Variants in GRM7 observed in about 807,000 individuals in gnomAD.
GRM7 encodes the protein metabotropic glutamate receptor 7.
A neutral mutation model predicts 84.5 loss-of-function variants in GRM7; 35 were observed. That is an observed-to-expected ratio of 0.41 (90% CI 0.32 to 0.55). GRM7 has a LOEUF of 0.55. Among genes scored for constraint, GRM7 ranks in the 20% least tolerant of loss-of-function variants. The probability of loss-of-function intolerance (pLI) is 0.19; values close to 1 mark genes in which losing one functional copy is unlikely to be tolerated. For synonymous variants in GRM7, 487 were observed against 455.1 expected (o/e 1.07, Z -0.89); for missense variants, 1,003 against 1,194.6 (o/e 0.84, Z 2.36).
intron 1 of GRM7, among the ~76,000 whole-genome samples, chr3:7,105,507 G>T (rs1369682447): frequency 6.6e-6 from 1 of 151,872 alleles, no homozygotes; most frequent in East Asian, 1.9e-4. Context: ...AGACTAAGTT[G>T]ATCAGACATC....
intron 1 of GRM7, among the ~76,000 whole-genome samples, chr3:6,869,501 A>G (rs557761151): frequency 6.6e-6 from 1 of 152,148 alleles, no homozygotes; most frequent in Non-Finnish European, 1.5e-5. Context: ...CATAGTAGTT[A>G]TGCTGGATTA....
At chr3:7,097,512 A>C (rs1271221925) in intron 1 of GRM7, among the ~76,000 whole-genome samples, 1 of 152,152 alleles carries the variant, frequency 6.6e-6, no homozygotes, top group African/African-American at 2.4e-5. Context: ...CTACTCTATG[A>C]AAACTTGAAG....
intron 1 of GRM7, among the ~76,000 whole-genome samples, chr3:6,959,245 T>A (rs1023451124): frequency 1.3e-5 from 2 of 152,218 alleles, no homozygotes; most frequent in African/African-American, 4.8e-5. Context: ...GCTTTGGTTG[T>A]ATGGCTCATG....
intron 4 of GRM7, among the ~76,000 whole-genome samples, chr3:7,336,286 C>G (rs1701417916): frequency 6.6e-6 from 1 of 151,790 alleles, no homozygotes; most frequent in Non-Finnish European, 1.5e-5. Flanking sequence ...GAATTAAAAA[C>G]AAAATTCATA....
intron 4 of GRM7, among the ~76,000 whole-genome samples, chr3:7,334,624 G>A (rs777948554): frequency 2.0e-5 from 3 of 151,986 alleles, no homozygotes; most frequent in Non-Finnish European, 4.4e-5. Context: ...ATACAGAATG[G>A]CAGAACAGAT....
At position 7,553,735 on chromosome 3, in the gene GRM7, A is replaced by T. The variant is rs112864623; in HGVS notation, c.1516-24687A>T. ...ACTCTCCTGAGAACAGCATGGGGGAAATCACCCTCTGATTCATTTACCTCC... is the reference window on the plus strand; with the variant it reads ...ACTCTCCTGAGAACAGCATGGGGGATATCACCCTCTGATTCATTTACCTCC... On this transcript the variant is annotated intron_variant, in intron 7 of 9. Coordinates refer to ENST00000357716, the MANE Select transcript of GRM7 (RefSeq NM_000844.4). 6.1e-3 allele frequency among the ~76,000 whole-genome samples: 928 copies of T among 152,222 alleles called. 9 individuals carry two copies. The highest frequency in any genetic ancestry group is 0.021 in the African/African-American group (857 of 41,524).
chr3:6,927,463 G>GAGAAAGAA (rs796767040), intron 1 of GRM7, among the ~76,000 whole-genome samples: 3,686 of 92,970 alleles, frequency 0.04, 83 homozygotes, highest in Middle Eastern at 0.06. Context: ...GAAAGAGAGA[G>GAGAAAGAA]AGAAAGAAAG....
At chr3:6,994,729 C>A (rs1327575334) in intron 1 of GRM7, among the ~76,000 whole-genome samples, 1 of 152,120 alleles carries the variant, frequency 6.6e-6, no homozygotes, top group Non-Finnish European at 1.5e-5. Flanking sequence ...GTGATAGAAA[C>A]AAAATCTTTT....
intron 2 of GRM7, among the ~76,000 whole-genome samples, chr3:7,154,755 G>C (rs1694395857): frequency 6.6e-6 from 1 of 152,064 alleles, no homozygotes; most frequent in African/African-American, 2.4e-5. Context: ...TTTACATTGG[G>C]AAGTAGCCAC....
intron 4 of GRM7, among the ~76,000 whole-genome samples, chr3:7,398,602 G>A (rs1205106678): frequency 6.6e-6 from 1 of 151,988 alleles, no homozygotes; most frequent in Non-Finnish European, 1.5e-5. Flanking sequence ...ATCTTGGGAG[G>A]ACTGTGGGTG....
In GRM7 at chr3:7,390,370, T is replaced by C. The variant is rs577224767; in HGVS notation, c.1034-24653T>C. Among the ~76,000 whole-genome samples the C allele has an allele frequency of 1.9e-4, 29 of 152,260 alleles. 1 individual carries two copies. In the South Asian group the frequency reaches 6.0e-3, roughly 32 times the overall value. On this transcript the variant is annotated intron_variant, in intron 4 of 9. Transcript: ENST00000357716. ...GTATCTCACAGGGGTTCTCTGGATA[T>C]TTTATATCTGCATGTTGACTTCTAT...
chr3:7,707,903 A>G (rs1701439968), intron 9 of GRM7, among the ~76,000 whole-genome samples: 1 of 151,590 alleles, frequency 6.6e-6, no homozygotes, highest in Non-Finnish European at 1.5e-5. Context: ...TGGTACCACA[A>G]TAGAACATAT....
At chr3:7,058,820 A>G (rs1417743786) in intron 1 of GRM7, among the ~76,000 whole-genome samples, 2 of 151,836 alleles carry the variant, frequency 1.3e-5, no homozygotes. Context: ...CTGATTGGCT[A>G]GCAACTTAGA....
intron 4 of GRM7, among the ~76,000 whole-genome samples, chr3:7,324,940 G>T (rs749768640): frequency 1.3e-5 from 2 of 152,064 alleles, no homozygotes; most frequent in African/African-American, 2.4e-5. Flanking sequence ...TATCAGCCAG[G>T]TCCTGCAGCT....
chr3:7,583,899 A>T (rs545135128), intron 8 of GRM7, among the ~76,000 whole-genome samples: 1 of 152,320 alleles, frequency 6.6e-6, no homozygotes, highest in South Asian at 2.1e-4. Flanking sequence ...GAGATAAAAC[A>T]GTGTTCTTTT....
intron 4 of GRM7, among the ~76,000 whole-genome samples, chr3:7,350,396 G>C (rs1353483609): frequency 1.3e-5 from 2 of 151,932 alleles, no homozygotes; most frequent in African/African-American, 4.8e-5. Flanking sequence ...GTGAGTTCTT[G>C]ATTTGGTTGT....
intron 7 of GRM7, among the ~76,000 whole-genome samples, chr3:7,464,873 G>A (rs148547871): frequency 1.5e-3 from 230 of 150,980 alleles, no homozygotes; most frequent in African/African-American, 5.4e-3. Context: ...GCGCACACCT[G>A]TAATCCCAAC....
intron 4 of GRM7, among the ~76,000 whole-genome samples, chr3:7,333,578 A>G (rs944569791): frequency 1.3e-5 from 2 of 152,218 alleles, no homozygotes; most frequent in Non-Finnish European, 2.9e-5. Context: ...TAACATCCCC[A>G]AAAGATCACA....
rs1429849467 is a variant in GRM7, at chr3:6,863,301, C to T, written c.519+1394C>T. 1.3e-5 allele frequency among the ~76,000 whole-genome samples: 2 copies of T among 152,158 alleles called. No homozygotes were observed. Among genetic ancestry groups the T allele is most frequent in the African/African-American group, 4.8e-5 (2 of 41,432 alleles). On this transcript the variant is annotated intron_variant, in intron 1 of 9. Transcript: ENST00000357716. This position sits in a 1 kb window ranked among gnomAD's most constrained non-coding sequence, Gnocchi z 4.8. ...CTAGTTAATCTCTTCCGCAGATGTACACGCTGATCCTGGCACCTTTATGCT... is the reference window on the plus strand; with the variant it reads ...CTAGTTAATCTCTTCCGCAGATGTATACGCTGATCCTGGCACCTTTATGCT...
Sources: allele counts gnomAD v4.1 joint callset (sites outside exome capture counted in the v4.1 genomes callset), GRCh38; gene constraint gnomAD v4.1.1; non-coding constraint Gnocchi (gnomAD v3.1); transcripts MANE v1.5; gene names NCBI Gene and HGNC (gene_info 2026-07-23, HGNC 2026-07-21).